PDE4D: variants seen among roughly 807,000 people sequenced by gnomAD.
The protein encoded by PDE4D is 3',5'-cyclic-AMP phosphodiesterase 4D.
PDE4D carries 24 observed loss-of-function variants against 87.4 expected under a neutral mutation model. The observed-to-expected ratio is 0.27, with a 90% CI of 0.20 to 0.39. The LOEUF is 0.39. PDE4D is among the 10% of genes least tolerant of loss of function. The pLI is 1.00. For missense variants in PDE4D, 714 were observed against 1,041.0 expected (o/e 0.69, Z 4.32); for synonymous variants, 384 against 383.2 (o/e 1.00, Z -0.02).
intron 1 of PDE4D, among the ~76,000 whole-genome samples, chr5:60,396,111 G>T (rs1272466657): frequency 6.6e-6 from 1 of 152,190 alleles, no homozygotes; most frequent in Non-Finnish European, 1.5e-5. Flanking sequence ...TCCACCCAAA[G>T]GGGGCACTGC....
At chr5:60,458,747 C>T (rs937512255) in intron 1 of PDE4D, among the ~76,000 whole-genome samples, 5 of 143,040 alleles carry the variant, frequency 3.5e-5, no homozygotes, top group South Asian at 2.2e-4. Context: ...AGTGAGCACA[C>T]GCACCACACC....
chr5:59,073,975 T>G (rs1765285530), intron 5 of PDE4D, among the ~76,000 whole-genome samples: 1 of 152,158 alleles, frequency 6.6e-6, no homozygotes, highest in East Asian at 1.9e-4. Context: ...AGAATCTGGA[T>G]TCTTGATGCA....
intron 1 of PDE4D, among the ~76,000 whole-genome samples, chr5:59,431,191 T>TA (rs1796062520): frequency 6.6e-6 from 1 of 152,188 alleles, no homozygotes. Context: ...TAGTGAATGT[T>TA]ACTAATTCTT....
chr5:60,341,955 A>G (rs997391661), intron 1 of PDE4D, among the ~76,000 whole-genome samples: 1 of 152,234 alleles, frequency 6.6e-6, no homozygotes, highest in Non-Finnish European at 1.5e-5. Context: ...AGAAGACTCC[A>G]TGAGGCTTAA....
chr5:59,978,411 A>T (rs1583437), intron 3 of PDE4D, among the ~76,000 whole-genome samples: 39,654 of 152,006 alleles, frequency 0.26, 5,681 homozygotes, highest in Admixed American at 0.35. Flanking sequence ...GTAACTGCAG[A>T]TGTGCTGGAA....
intron 1 of PDE4D, among the ~76,000 whole-genome samples, chr5:59,663,745 T>G (rs1476065395): frequency 3.3e-5 from 5 of 152,178 alleles, no homozygotes; most frequent in Non-Finnish European, 7.3e-5. Flanking sequence ...CACTGCATTT[T>G]CAGTGTCATT....
At chr5:60,281,760 TG>T (rs1441847640) in intron 1 of PDE4D, among the ~76,000 whole-genome samples, 1 of 152,122 alleles carries the variant, frequency 6.6e-6, no homozygotes, top group Non-Finnish European at 1.5e-5. Context: ...GGGCCGAGCA[TG>T]GTGGCTCAAT....
chr5:59,022,957 C>T (rs898126649), intron 6 of PDE4D, among the ~76,000 whole-genome samples: 4 of 152,024 alleles, frequency 2.6e-5, no homozygotes, highest in Admixed American at 6.6e-5. Context: ...GGGCAGATTA[C>T]GAGGTCAGGA....
intron 1 of PDE4D, among the ~76,000 whole-genome samples, chr5:59,594,476 A>G (rs988456778): frequency 6.6e-6 from 1 of 151,964 alleles, no homozygotes; most frequent in Non-Finnish European, 1.5e-5. Context: ...ATGTGTCACC[A>G]TGACTGGCTA....
chr5:59,352,711 C>T (rs545403172), intron 1 of PDE4D, among the ~76,000 whole-genome samples: 1 of 152,238 alleles, frequency 6.6e-6, no homozygotes, highest in Admixed American at 6.5e-5. Context: ...CTTGTTTGGG[C>T]AAATATTGCT....
intron 1 of PDE4D, among the ~76,000 whole-genome samples, chr5:60,314,639 C>G (rs2149821195): frequency 6.6e-6 from 1 of 151,746 alleles, no homozygotes; most frequent in East Asian, 1.9e-4. Context: ...CTCCCCCACA[C>G]CCCCACCCCA....
At chr5:59,468,797 A>G (rs1440070048) in intron 1 of PDE4D, among the ~76,000 whole-genome samples, 2 of 152,216 alleles carry the variant, frequency 1.3e-5, no homozygotes, top group African/African-American at 4.8e-5. Context: ...ATGAGCCAGA[A>G]GACTTTAATC....
At chr5:59,455,939 T>C (rs1562221074) in intron 1 of PDE4D, among the ~76,000 whole-genome samples, 1 of 152,244 alleles carries the variant, frequency 6.6e-6, no homozygotes, top group Non-Finnish European at 1.5e-5. Flanking sequence ...CCATTTGGAA[T>C]GGTATTTACC....
At chr5:58,994,977 T>C (rs1376765585) in intron 6 of PDE4D, among the ~76,000 whole-genome samples, 2 of 134,074 alleles carry the variant, frequency 1.5e-5, no homozygotes, top group South Asian at 4.7e-4. Context: ...AGTGTTCTCA[T>C]TGTTCAATTC....
chr5:59,703,780 C>A, intron 1 of PDE4D: 1 of 321,260 alleles, frequency 3.1e-6, no homozygotes. Flanking sequence ...TCAATGTGTG[C>A]ATGAATGACT....
intron 1 of PDE4D, among the ~76,000 whole-genome samples, chr5:59,232,811 C>CATATAT (rs139070531): frequency 2.9e-4 from 41 of 143,568 alleles, no homozygotes; most frequent in African/African-American, 4.8e-4. Context: ...AGAGAAAATA[C>CATATAT]ATATATATAT....
At chr5:59,735,685 G>A (rs936687193) in intron 1 of PDE4D, among the ~76,000 whole-genome samples, 2 of 150,048 alleles carry the variant, frequency 1.3e-5, no homozygotes, top group Admixed American at 1.3e-4. Flanking sequence ...TTTTTTTTTC[G>A]AGACAGAATC....
chr5:59,521,401 G>T (rs1272877573), intron 1 of PDE4D, among the ~76,000 whole-genome samples: 1 of 152,174 alleles, frequency 6.6e-6, no homozygotes, highest in African/African-American at 2.4e-5. Flanking sequence ...CCCAAGTCTT[G>T]TATGGAAGGG....
At chr5:59,218,469 A>G (rs939806591) in intron 1 of PDE4D, among the ~76,000 whole-genome samples, 1 of 152,172 alleles carries the variant, frequency 6.6e-6, no homozygotes, top group East Asian at 1.9e-4. Flanking sequence ...GATAGTTATG[A>G]TATTTTTAAA....
Sources: allele counts gnomAD v4.1 joint callset (sites outside exome capture counted in the v4.1 genomes callset), GRCh38; gene constraint gnomAD v4.1.1; transcripts MANE v1.5; gene names NCBI Gene and HGNC (gene_info 2026-07-23, HGNC 2026-07-21).